SNX29: variants seen among roughly 807,000 people sequenced by gnomAD.
SNX29 encodes the protein sorting nexin-29.
SNX29 carries 78 observed loss-of-function variants against 102.1 expected under a neutral mutation model. The ratio of observed to expected loss-of-function variants is 0.76; its 90% confidence interval spans 0.64 to 0.92. The LOEUF (loss-of-function observed/expected upper bound fraction) is 0.92. Ranked by LOEUF, SNX29 falls within the 40% of genes least tolerant of loss-of-function variation. SNX29 has a pLI of 0.00. For missense variants in SNX29, 1,280 were observed against 1,061.7 expected, an observed-to-expected ratio of 1.21 and a Z score of -2.86; for synonymous variants, 580 against 414.5, an observed-to-expected ratio of 1.40 and a Z score of -4.85.
At chr16:12,518,979 G>T (rs886612472) in intron 19 of SNX29, among the ~76,000 whole-genome samples, 2 of 152,162 alleles carry the variant, frequency 1.3e-5, no homozygotes, top group African/African-American at 4.8e-5. Flanking sequence ...TGTGCAAGGG[G>T]TATAAATCAG....
At position 12,232,378 on chromosome 16, in the gene SNX29, T is replaced by A. The variant is rs1191176039; in HGVS notation, c.1678+32695T>A. On this transcript the variant is annotated intron_variant, in intron 14 of 20. Coordinates refer to ENST00000566228, the MANE Select transcript of SNX29 (RefSeq NM_032167.5). ...CCCGTCTCTACTAAAAATACAAAAA[T>A]TAGCTGGACATAGTGGCGTGCGCCT... Among the ~76,000 whole-genome samples, 5 of 152,118 alleles carry A rather than the reference T, an allele frequency of 3.3e-5. 1 individual carries two copies. The South Asian group carries it at 1.0e-3, about 32-fold the overall frequency.
intron 14 of SNX29, among the ~76,000 whole-genome samples, chr16:12,249,348 C>G (rs2078355289): frequency 6.6e-6 from 1 of 152,214 alleles, no homozygotes; most frequent in Non-Finnish European, 1.5e-5. Flanking sequence ...CCACAGTGGT[C>G]TCAGAGTTCT....
At chr16:12,527,837 T>G (rs1346541173) in intron 20 of SNX29, among the ~76,000 whole-genome samples, 1 of 150,934 alleles carries the variant, frequency 6.6e-6, no homozygotes, top group African/African-American at 2.4e-5. Context: ...TTTTTTTTTT[T>G]TTTTTGAGAT....
Position 12,572,721 on chromosome 16 carries a change from A to G in SNX29, c.*4092A>G. ...GCAGCATCTTCCAGCCTTGGCACAG[A>G]ACTGATGGCAAAGGAAGGGCTGGGT... On this transcript the variant is annotated 3_prime_UTR_variant, in exon 21 of 21. Transcript: ENST00000566228. 1 of 1,063,956 alleles carries G rather than the reference A, an allele frequency of 9.4e-7. No individual in the cohort carries two copies. Among genetic ancestry groups the G allele is most frequent in the Non-Finnish European group, 1.1e-6 (1 of 878,454 alleles). The allele number at this position is 1,063,956 out of a possible 1,614,324, so 65.9% of individuals were successfully genotyped here.
At chr16:12,034,714 T>G (rs1019820213) in intron 4 of SNX29, among the ~76,000 whole-genome samples, 1 of 152,108 alleles carries the variant, frequency 6.6e-6, no homozygotes, top group Non-Finnish European at 1.5e-5. Context: ...GTTTCAAAGG[T>G]GTTTAATCCT....
intron 20 of SNX29, among the ~76,000 whole-genome samples, chr16:12,541,127 C>T (rs888528466): frequency 2.0e-5 from 3 of 152,212 alleles, no homozygotes; most frequent in South Asian, 2.1e-4. Flanking sequence ...AGGGGAGACA[C>T]AGGGGGAGGT....
chr16:12,087,984 T>C (rs1275396116), intron 11 of SNX29: 1 of 456,604 alleles, frequency 2.2e-6, no homozygotes, highest in African/African-American at 2.0e-5. Flanking sequence ...CTAGACCCTG[T>C]GCAGGGGGCC....
intron 14 of SNX29, among the ~76,000 whole-genome samples, chr16:12,203,722 G>A (rs749005334): frequency 9.2e-5 from 14 of 152,226 alleles, no homozygotes; most frequent in Admixed American, 3.9e-4. Flanking sequence ...ATCCTAGGCA[G>A]TGGGCTTCTC....
chr16:12,153,471 A>C (rs951543378), intron 13 of SNX29, among the ~76,000 whole-genome samples: 14 of 148,750 alleles, frequency 9.4e-5, no homozygotes, highest in East Asian at 5.9e-4. Context: ...CAAAAAAAAA[A>C]ACAAAAAACA....
At chr16:12,542,029 CT>C (rs993726374) in intron 20 of SNX29, among the ~76,000 whole-genome samples, 10 of 152,058 alleles carry the variant, frequency 6.6e-5, no homozygotes, top group African/African-American at 2.2e-4. Flanking sequence ...TCTGTTTTTT[CT>C]TTTTTTAATT....
intron 10 of SNX29, among the ~76,000 whole-genome samples, chr16:12,075,132 G>C (rs910522832): frequency 6.6e-6 from 1 of 152,156 alleles, no homozygotes; most frequent in African/African-American, 2.4e-5. Flanking sequence ...GCTCAGAGTA[G>C]TTTGATCATC....
At position 12,543,832 on chromosome 16, in the gene SNX29, A is replaced by G. The variant is rs1390106247; in HGVS notation, c.2318+18991A>G. Among the ~76,000 whole-genome samples, 4 of 152,330 alleles carry G rather than the reference A, an allele frequency of 2.6e-5. No individual in the cohort carries two copies. The East Asian group carries it at 7.7e-4, about 29-fold the overall frequency. On this transcript the variant is annotated intron_variant, in intron 20 of 20. Transcript: ENST00000566228. Reference sequence around the variant, plus strand: ...GCCCATGAGACAGGGACACCTTCGTATTTGGAAGAGAGAAGCCAGTGGTGG... The same window carrying G: ...GCCCATGAGACAGGGACACCTTCGTGTTTGGAAGAGAGAAGCCAGTGGTGG...
intron 13 of SNX29, among the ~76,000 whole-genome samples, chr16:12,148,264 C>G (rs746304253): frequency 6.6e-6 from 1 of 152,126 alleles, no homozygotes; most frequent in Non-Finnish European, 1.5e-5. Context: ...TACAAAATGC[C>G]CTTTGTTATC....
intron 10 of SNX29, among the ~76,000 whole-genome samples, chr16:12,073,129 T>A (rs2051376795): frequency 6.6e-6 from 1 of 151,940 alleles, no homozygotes; most frequent in African/African-American, 2.4e-5. Flanking sequence ...GCTCCTGGAT[T>A]CATTAATTTT....
At chr16:12,562,387 A>G (rs1005237966) in intron 20 of SNX29, among the ~76,000 whole-genome samples, 3 of 152,188 alleles carry the variant, frequency 2.0e-5, no homozygotes, top group African/African-American at 7.2e-5. Flanking sequence ...AAACAGCTCA[A>G]GAGACAGATC....
intron 19 of SNX29, among the ~76,000 whole-genome samples, chr16:12,500,380 T>A (rs965677246): frequency 2.0e-5 from 3 of 152,048 alleles, no homozygotes; most frequent in African/African-American, 7.2e-5. Flanking sequence ...AAGGCGGAAA[T>A]AACTGGCCCC....
In SNX29 at chr16:12,568,482, C is replaced by G. The variant is rs370765577; in HGVS notation, c.2319-24C>G. On this transcript the variant is annotated intron_variant, in intron 20 of 20. Transcript: ENST00000566228. ...TTTGCTTTTCATCCCCAGACTTAAC[C>G]CGATTCTCTCCCTGCTCTTTCAGCG... 47 of 1,607,974 alleles carry G rather than the reference C, an allele frequency of 2.9e-5. No homozygotes were observed. The African/African-American group carries it at 5.7e-4, about 20-fold the overall frequency.
At chr16:12,090,752 TGTAATC>T (rs2052485235) in intron 11 of SNX29, among the ~76,000 whole-genome samples, 1 of 152,070 alleles carries the variant, frequency 6.6e-6, no homozygotes, top group Non-Finnish European at 1.5e-5. Context: ...GGCTCACACC[TGTAATC>T]CCAGCACTTT....
chr16:12,501,169 G>A (rs2089103415), intron 19 of SNX29, among the ~76,000 whole-genome samples: 1 of 152,138 alleles, frequency 6.6e-6, no homozygotes, highest in African/African-American at 2.4e-5. Context: ...ATCAAGACAA[G>A]AGGATTGGTA....
Sources: gnomAD v4.1 joint callset for allele counts (sites outside exome capture counted in the v4.1 genomes callset) on GRCh38, gnomAD v4.1.1 for gene constraint, MANE v1.5 for transcripts, NCBI Gene and HGNC (gene_info 2026-07-23, HGNC 2026-07-21) for gene names.